The following LRRTM4 variants were observed in gnomAD, a reference collection of about 807,000 sequenced individuals.
LRRTM4 encodes the protein leucine-rich repeat transmembrane neuronal protein 4.
LRRTM4 carries 25 observed loss-of-function variants against 47.6 expected under a neutral mutation model. That is an observed-to-expected ratio of 0.53 (90% confidence interval 0.38 to 0.73). The LOEUF (loss-of-function observed/expected upper bound fraction) is 0.73. Among genes scored for constraint, LRRTM4 ranks in the 30% least tolerant of loss-of-function variants. LRRTM4 has a pLI of 0.00. For missense variants in LRRTM4, 638 were observed against 713.4 expected (o/e 0.89, Z 1.20); for synonymous variants, 311 against 269.5 (o/e 1.15, Z -1.51).
intron 3 of LRRTM4, among the ~76,000 whole-genome samples, chr2:77,407,703 ATAAT>A (rs1340100618): frequency 7.4e-5 from 10 of 134,290 alleles, no homozygotes; most frequent in African/African-American, 9.1e-5. Flanking sequence ...TATGATATAT[ATAAT>A]ATATCATATA....
chr2:77,012,699 C>A (rs79042599), intron 3 of LRRTM4, among the ~76,000 whole-genome samples: 2,374 of 152,174 alleles, frequency 0.016, 76 homozygotes, highest in African/African-American at 0.054. Context: ...TTGAGTGACC[C>A]CCAAACTCTG....
chr2:77,139,976 G>T (rs10206981), intron 3 of LRRTM4, among the ~76,000 whole-genome samples: 2,676 of 152,102 alleles, frequency 0.018, 71 homozygotes, highest in African/African-American at 0.059. Flanking sequence ...AATAAAAGAG[G>T]ACCCCAAAAA....
chr2:77,270,469 C>T (rs188113506), intron 3 of LRRTM4, among the ~76,000 whole-genome samples: 2 of 152,190 alleles, frequency 1.3e-5, no homozygotes, highest in Admixed American at 1.3e-4. Flanking sequence ...TTTGGTATCA[C>T]AATAAATGTG....
intron 3 of LRRTM4, among the ~76,000 whole-genome samples, chr2:77,123,217 G>A (rs1439262079): frequency 1.3e-5 from 2 of 150,490 alleles, no homozygotes; most frequent in Non-Finnish European, 3.0e-5. Context: ...GTCTCACAGA[G>A]AGAGAGAGAG....
At chr2:76,930,321 C>T (rs971678858) in intron 3 of LRRTM4, among the ~76,000 whole-genome samples, 17 of 152,080 alleles carry the variant, frequency 1.1e-4, no homozygotes, top group African/African-American at 3.9e-4. Context: ...TGCTCAGGTG[C>T]GTGTGCACGC....
At chr2:77,342,881 A>C (rs188011686) in intron 3 of LRRTM4, among the ~76,000 whole-genome samples, 1 of 151,882 alleles carries the variant, frequency 6.6e-6, no homozygotes, top group Non-Finnish European at 1.5e-5. Context: ...ATGAACTACA[A>C]TTAGAATCCT....
At chr2:76,795,879 G>C (rs1383666496) in intron 3 of LRRTM4, among the ~76,000 whole-genome samples, 1 of 151,956 alleles carries the variant, frequency 6.6e-6, no homozygotes, top group Admixed American at 6.6e-5. Flanking sequence ...GAAGACGGGT[G>C]ATTTCTGCAT....
chr2:77,170,191 T>G (rs1673007854), intron 3 of LRRTM4, among the ~76,000 whole-genome samples: 1 of 151,872 alleles, frequency 6.6e-6, no homozygotes, highest in African/African-American at 2.4e-5. Flanking sequence ...AGTCTAATCA[T>G]GTGAGTCCTT....
At chr2:76,841,928 G>A (rs2103936157) in intron 3 of LRRTM4, among the ~76,000 whole-genome samples, 1 of 152,242 alleles carries the variant, frequency 6.6e-6, no homozygotes, top group South Asian at 2.1e-4. Context: ...GCTCACACAT[G>A]CGCTGCTCAT....
At chr2:77,465,839 A>G (rs184699005) in intron 3 of LRRTM4, among the ~76,000 whole-genome samples, 81 of 152,204 alleles carry the variant, frequency 5.3e-4, no homozygotes, top group African/African-American at 1.9e-3. Context: ...TTTGGTTTTC[A>G]TGGATATTCT....
intron 3 of LRRTM4, among the ~76,000 whole-genome samples, chr2:77,327,492 T>C (rs1028783853): frequency 4.6e-5 from 7 of 152,182 alleles, no homozygotes; most frequent in Non-Finnish European, 8.8e-5. Context: ...TTTGGCATGG[T>C]ACATTTTTTT....
At chr2:77,504,208 T>A (rs912600221) in intron 3 of LRRTM4, among the ~76,000 whole-genome samples, 39 of 146,620 alleles carry the variant, frequency 2.7e-4, no homozygotes, top group Non-Finnish European at 4.1e-4. Context: ...ACTGCCACCA[T>A]TTTTTTTGTA....
chr2:77,381,196 A>G (rs1673038017), intron 3 of LRRTM4, among the ~76,000 whole-genome samples: 1 of 152,128 alleles, frequency 6.6e-6, no homozygotes, highest in East Asian at 1.9e-4. Context: ...GACTAGATAT[A>G]AACTACCTCT....
At chr2:76,992,328 A>G (rs1047195151) in intron 3 of LRRTM4, among the ~76,000 whole-genome samples, 2 of 151,720 alleles carry the variant, frequency 1.3e-5, no homozygotes, top group Non-Finnish European at 1.5e-5. Flanking sequence ...TCCAAATAGA[A>G]AAAGCAATCA....
chr2:76,807,382 TTA>T (rs72365054), intron 3 of LRRTM4, among the ~76,000 whole-genome samples: 27,635 of 126,630 alleles, frequency 0.22, 3,922 homozygotes, highest in East Asian at 0.33. Context: ...AACATTCATT[TTA>T]TATATATATA....
intron 3 of LRRTM4, among the ~76,000 whole-genome samples, chr2:76,887,572 T>C (rs1385493171): frequency 2.0e-5 from 3 of 150,292 alleles, no homozygotes; most frequent in African/African-American, 7.3e-5. Context: ...TGTGCAAATA[T>C]GTATATATAC....
At chr2:76,943,759 A>C (rs945080483) in intron 3 of LRRTM4, among the ~76,000 whole-genome samples, 1 of 152,188 alleles carries the variant, frequency 6.6e-6, no homozygotes, top group African/African-American at 2.4e-5. Flanking sequence ...TCTATTATGC[A>C]TCTGAATTAT....
At chr2:76,828,137 A>G (rs1671237901) in intron 3 of LRRTM4, among the ~76,000 whole-genome samples, 1 of 151,896 alleles carries the variant, frequency 6.6e-6, no homozygotes, top group Admixed American at 6.6e-5. Flanking sequence ...TTGAAATAGA[A>G]TTATCTCCTG....
At chr2:77,449,073 T>C (rs1676159169) in intron 3 of LRRTM4, among the ~76,000 whole-genome samples, 2 of 152,294 alleles carry the variant, frequency 1.3e-5, no homozygotes, top group South Asian at 4.1e-4. Context: ...TCTAAAAACA[T>C]CAATTAATCT....
Sources: gnomAD v4.1 joint callset for allele counts (sites outside exome capture counted in the v4.1 genomes callset) on GRCh38, gnomAD v4.1.1 for gene constraint, MANE v1.5 for transcripts, NCBI Gene and HGNC (gene_info 2026-07-23, HGNC 2026-07-21) for gene names.